CLEC16A: variants seen among roughly 807,000 people sequenced by gnomAD.
CLEC16A encodes the protein protein CLEC16A.
A neutral mutation model predicts 109.5 loss-of-function variants in CLEC16A; 51 were observed. The observed-to-expected ratio is 0.47, with a 90% confidence interval of 0.37 to 0.59. The LOEUF (loss-of-function observed/expected upper bound fraction) is 0.59. Ranked by LOEUF, CLEC16A falls within the 20% of genes least tolerant of loss-of-function variation. CLEC16A has a pLI of 0.00. For missense variants in CLEC16A, 1,339 were observed against 1,394.0 expected, an observed-to-expected ratio of 0.96 and a Z score of 0.63; for synonymous variants, 673 against 564.2, an observed-to-expected ratio of 1.19 and a Z score of -2.73.
At chr16:11,114,689 C>T (rs896431510) in intron 19 of CLEC16A, among the ~76,000 whole-genome samples, 7 of 152,156 alleles carry the variant, frequency 4.6e-5, no homozygotes, top group African/African-American at 1.7e-4. Flanking sequence ...GCCTGTGTCC[C>T]CCAGGGCTCC....
Position 11,179,275 on chromosome 16 carries a change from C to T in CLEC16A, c.*585C>T, listed in dbSNP as rs540288143. The stretch of plus-strand genomic sequence containing the variant: ...GATTTCATGATCATTTTCACTGGAC[C>T]TTTCCTGATATTTTGTTTCAGAGTT... On this transcript the variant is annotated 3_prime_UTR_variant, in exon 24 of 24. Coordinates refer to ENST00000409790, the MANE Select transcript of CLEC16A (RefSeq NM_015226.3). 2.0e-5 allele frequency: 3 copies of T among 152,320 alleles called. No individual in the cohort carries two copies. Among genetic ancestry groups the T allele is most frequent in the African/African-American group, 7.2e-5 (3 of 41,558 alleles). 9.4% of individuals were successfully genotyped at this position (152,320 alleles called of 1,614,324 possible).
intron 3 of CLEC16A, among the ~76,000 whole-genome samples, chr16:10,963,291 C>T (rs140240226): frequency 2.0e-5 from 3 of 152,278 alleles, no homozygotes; most frequent in African/African-American, 7.2e-5. Flanking sequence ...CCTTAATTAC[C>T]TCGCCAAAGG....
At chr16:10,983,500 C>T (rs180861393) in intron 10 of CLEC16A, among the ~76,000 whole-genome samples, 74 of 152,244 alleles carry the variant, frequency 4.9e-4, no homozygotes, top group East Asian at 4.4e-3. Context: ...TCTAGAGAAG[C>T]GGGAAAAACG....
Position 10,958,683 on chromosome 16 carries a change from C to G in CLEC16A, c.209+773C>G, listed in dbSNP as rs371065995. ...CTTTGGGAGGCTGAGGCAGGAGGAT[C>G]GCTTGAGCCCAGGAGTTTGAGACCA... On this transcript the variant is annotated intron_variant, in intron 2 of 23. Coordinates refer to ENST00000409790, the MANE Select transcript of CLEC16A (RefSeq NM_015226.3). Among the ~76,000 whole-genome samples, 381 of 152,198 alleles carry G rather than the reference C, an allele frequency of 2.5e-3. 3 individuals carry two copies. Among genetic ancestry groups the G allele is most frequent in the African/African-American group, 8.6e-3 (358 of 41,528 alleles).
intron 19 of CLEC16A, among the ~76,000 whole-genome samples, chr16:11,074,608 G>A (rs890044087): frequency 3.9e-5 from 6 of 151,968 alleles, no homozygotes; most frequent in Admixed American, 3.9e-4. Flanking sequence ...GTATATTCCT[G>A]TAATCTTTCC....
intron 1 of CLEC16A, among the ~76,000 whole-genome samples, chr16:10,948,746 A>G (rs1015741976): frequency 6.6e-6 from 1 of 152,170 alleles, no homozygotes; most frequent in Admixed American, 6.5e-5. Flanking sequence ...TCCCCGCTAA[A>G]CCATGGCTGA....
intron 2 of CLEC16A, among the ~76,000 whole-genome samples, chr16:10,960,602 A>G (rs1302606489): frequency 6.6e-6 from 1 of 151,760 alleles, no homozygotes; most frequent in Non-Finnish European, 1.5e-5. Flanking sequence ...CTTTCCCCAC[A>G]CTGTTCTTTA....
intron 1 of CLEC16A, among the ~76,000 whole-genome samples, chr16:10,945,978 G>A (rs1236518963): frequency 2.0e-5 from 3 of 152,262 alleles, no homozygotes; most frequent in South Asian, 2.1e-4. Context: ...TTAAAGAGTG[G>A]AAAAATGAAT....
intron 20 of CLEC16A, 22 bp downstream of exon 20, chr16:11,120,788 G>A (rs1439608382): frequency 2.7e-6 from 4 of 1,485,924 alleles, no homozygotes; most frequent in East Asian, 5.1e-5. Context: ...AGGAGCTCTG[G>A]GATCTGTTCT....
At chr16:11,067,938 A>G (rs900893129) in intron 19 of CLEC16A, among the ~76,000 whole-genome samples, 60 of 152,142 alleles carry the variant, frequency 3.9e-4, no homozygotes, top group African/African-American at 1.4e-3. Context: ...CTTTGAAGCT[A>G]ATTATTAACA....
intron 19 of CLEC16A, among the ~76,000 whole-genome samples, chr16:11,065,496 C>T (rs2048712073): frequency 6.6e-6 from 1 of 152,228 alleles, no homozygotes; most frequent in Non-Finnish European, 1.5e-5. Flanking sequence ...ATGCCAGGCA[C>T]AGTGCTAGGA....
intron 13 of CLEC16A, among the ~76,000 whole-genome samples, chr16:11,032,205 C>T (rs1053973164): frequency 6.6e-6 from 1 of 152,178 alleles, no homozygotes; most frequent in Admixed American, 6.5e-5. Context: ...GATCACTGCC[C>T]GTTCCCTAGG....
At chr16:10,975,463 TA>T (rs1485197512) in intron 7 of CLEC16A, among the ~76,000 whole-genome samples, 5 of 152,188 alleles carry the variant, frequency 3.3e-5, no homozygotes, top group Non-Finnish European at 5.9e-5. Context: ...ACCAAAGTAT[TA>T]AAAAGTGAGG....
In CLEC16A at chr16:11,178,397, G is replaced by A. The variant is rs199811620; in HGVS notation, c.2869G>A (p.Glu957Lys). 2.7e-4 allele frequency: 435 copies of A among 1,613,698 alleles called. No individual in the cohort carries two copies. The highest frequency in any genetic ancestry group is 3.4e-4 in the Non-Finnish European group (404 of 1,179,894). The change falls in exon 24 of 24, where the codon GAA (glutamate) becomes AAA (lysine). Residue 957 changes from glutamate (E) to lysine (K), a missense_variant. By Grantham distance (56) the Glu-to-Lys change is moderately conservative. Transcript: ENST00000409790. The surrounding 1 kb of genome is among the most constrained non-coding windows in gnomAD (Gnocchi z 6.5). The part of the protein sequence containing the change: ...HLPDQLVIVN[E>K]TEADSKPSKN... ...TCCTGACCAGTTGGTAATCGTCAAC[G>A]AAACGGAAGCAGACTCTAAGCCCAG... is the stretch of plus-strand genomic sequence containing the variant.
chr16:11,014,522 T>C (rs1469067362), intron 11 of CLEC16A, among the ~76,000 whole-genome samples: 1 of 152,204 alleles, frequency 6.6e-6, no homozygotes, highest in Non-Finnish European at 1.5e-5. Flanking sequence ...TTAAGCTGTA[T>C]TTAAGTGAAA....
At chr16:10,994,005 G>A (rs530686579) in intron 10 of CLEC16A, among the ~76,000 whole-genome samples, 7 of 152,330 alleles carry the variant, frequency 4.6e-5, no homozygotes, top group Middle Eastern at 3.4e-3. Context: ...CCATCTTGAC[G>A]TTACCTGCTC....
intron 23 of CLEC16A, among the ~76,000 whole-genome samples, chr16:11,172,493 C>G (rs1444400694): frequency 6.6e-6 from 1 of 152,196 alleles, no homozygotes; most frequent in Non-Finnish European, 1.5e-5. Flanking sequence ...AGACAGAAAA[C>G]TGTTTGATCA....
intron 19 of CLEC16A, among the ~76,000 whole-genome samples, chr16:11,069,592 C>T (rs145944184): frequency 2.0e-4 from 31 of 151,708 alleles, no homozygotes; most frequent in Admixed American, 5.3e-4. Flanking sequence ...TTCGTGCCAC[C>T]ATGTCCAGCT....
intron 22 of CLEC16A, among the ~76,000 whole-genome samples, chr16:11,135,313 G>A (rs2053491953): frequency 6.6e-6 from 1 of 152,172 alleles, no homozygotes; most frequent in African/African-American, 2.4e-5. Flanking sequence ...AGGGAATCTG[G>A]AGCTGGGCTC....
Sources: gnomAD v4.1 joint callset for allele counts (sites outside exome capture counted in the v4.1 genomes callset) on GRCh38, gnomAD v4.1.1 for gene constraint, Gnocchi (gnomAD v3.1) non-coding constraint, MANE v1.5 for transcripts, NCBI Gene and HGNC (gene_info 2026-07-23, HGNC 2026-07-21) for gene names.